Variants in CTNND2 observed in about 807,000 individuals in gnomAD.
The protein encoded by CTNND2 is catenin delta-2.
Under a neutral mutation model 144.4 loss-of-function variants are expected in CTNND2, and 22 were observed. That is an observed-to-expected ratio of 0.15 (90% confidence interval 0.11 to 0.22). The LOEUF (loss-of-function observed/expected upper bound fraction) is 0.22, where lower values mean the gene tolerates loss of function less well. CTNND2 is among the 10% of genes least tolerant of loss of function. CTNND2 has a pLI of 1.00. For synonymous variants in CTNND2, 751 were observed against 695.6 expected, an observed-to-expected ratio of 1.08 and a Z score of -1.25; for missense variants, 1,353 against 1,618.8, an observed-to-expected ratio of 0.84 and a Z score of 2.82.
chr5:11,050,385 T>C (rs1177074104), intron 16 of CTNND2, among the ~76,000 whole-genome samples: 1 of 152,234 alleles, frequency 6.6e-6, no homozygotes, highest in Non-Finnish European at 1.5e-5. Flanking sequence ...TTACAATTTG[T>C]ATCTACTGCT....
intron 7 of CTNND2, among the ~76,000 whole-genome samples, chr5:11,370,054 A>T (rs1757326779): frequency 6.6e-6 from 1 of 152,222 alleles, no homozygotes; most frequent in African/African-American, 2.4e-5. Context: ...GGATTTTTTT[A>T]ACTCAAAATT....
chr5:11,640,218 T>C (rs1781929444), intron 2 of CTNND2, among the ~76,000 whole-genome samples: 1 of 152,224 alleles, frequency 6.6e-6, no homozygotes, highest in South Asian at 2.1e-4. Context: ...TGGGAACAAC[T>C]GCAAAATAGA....
intron 3 of CTNND2, among the ~76,000 whole-genome samples, chr5:11,441,124 A>T (rs1316407541): frequency 6.6e-6 from 1 of 152,226 alleles, no homozygotes. Flanking sequence ...GGCAACATTT[A>T]AAAATTATAT....
intron 2 of CTNND2, among the ~76,000 whole-genome samples, chr5:11,585,655 T>C (rs1008498018): frequency 6.6e-6 from 1 of 152,034 alleles, no homozygotes; most frequent in African/African-American, 2.4e-5. Context: ...AAACAGACAG[T>C]GAACCAAATA....
Position 11,903,995 on chromosome 5 carries a change from T to C in CTNND2, c.-142A>G, listed in dbSNP as rs1333655394. 5 of 1,003,800 alleles carry C rather than the reference T, an allele frequency of 5.0e-6. No individual in the cohort carries two copies. In the East Asian group the frequency reaches 1.1e-4, roughly 22 times the overall value. 62.2% of individuals were successfully genotyped at this position (1,003,800 alleles called of 1,614,324 possible). ...AGCGCGGCCGCGGGACAAGGGATGC[T>C]GGCGGGCGGCAGGGGCGAGCGCCGC... On this transcript the variant is annotated 5_prime_UTR_variant, in exon 1 of 22. Transcript: ENST00000304623. The surrounding 1 kb of genome is among the most constrained non-coding windows in gnomAD (Gnocchi z 5.4).
intron 9 of CTNND2, among the ~76,000 whole-genome samples, chr5:11,240,854 CAT>C (rs1406692155): frequency 1.4e-5 from 2 of 141,834 alleles, no homozygotes; most frequent in Non-Finnish European, 3.1e-5. Flanking sequence ...ACACCCAACA[CAT>C]ACACTCAGCA....
chr5:11,318,532 T>C (rs1194368101), intron 9 of CTNND2, among the ~76,000 whole-genome samples: 3 of 152,056 alleles, frequency 2.0e-5, no homozygotes, highest in Non-Finnish European at 4.4e-5. Flanking sequence ...CTCCTCATGC[T>C]CAAGCAAGAA....
At chr5:11,891,119 C>T (rs1287387382) in intron 1 of CTNND2, among the ~76,000 whole-genome samples, 1 of 152,106 alleles carries the variant, frequency 6.6e-6, no homozygotes, top group Non-Finnish European at 1.5e-5. Context: ...TGAAAAGCAT[C>T]CATGCAATTT....
intron 9 of CTNND2, among the ~76,000 whole-genome samples, chr5:11,276,341 C>T (rs1186801524): frequency 1.3e-5 from 2 of 152,194 alleles, no homozygotes; most frequent in Admixed American, 6.5e-5. Context: ...AGCACTGTGT[C>T]TGGGGCATCC....
chr5:11,612,516 A>C (rs781200209), intron 2 of CTNND2, among the ~76,000 whole-genome samples: 28 of 152,180 alleles, frequency 1.8e-4, no homozygotes, highest in Non-Finnish European at 2.4e-4. Flanking sequence ...TTTGATTGTG[A>C]AGTGAAAACT....
At chr5:11,126,298 T>G (rs1453901237) in intron 12 of CTNND2, among the ~76,000 whole-genome samples, 1 of 151,962 alleles carries the variant, frequency 6.6e-6, no homozygotes, top group Admixed American at 6.6e-5. Context: ...TGAAACTCTG[T>G]CTCAAAAAAA....
At chr5:11,824,569 C>G (rs888642790) in intron 1 of CTNND2, among the ~76,000 whole-genome samples, 1 of 152,128 alleles carries the variant, frequency 6.6e-6, no homozygotes, top group Non-Finnish European at 1.5e-5. Flanking sequence ...GCTCTAAATT[C>G]CTCAGTGACA....
intron 8 of CTNND2, among the ~76,000 whole-genome samples, chr5:11,353,118 A>C (rs1234139637): frequency 6.6e-6 from 1 of 151,620 alleles, no homozygotes; most frequent in African/African-American, 2.4e-5. Context: ...ATCAATGGGA[A>C]AGGATAAAAA....
chr5:11,204,402 A>T (rs1737825427), intron 10 of CTNND2, among the ~76,000 whole-genome samples: 1 of 152,230 alleles, frequency 6.6e-6, no homozygotes, highest in Admixed American at 6.5e-5. Context: ...AACTGAGAGT[A>T]TCTAAAAATC....
At chr5:11,558,988 G>A (rs1026791704) in intron 3 of CTNND2, among the ~76,000 whole-genome samples, 1 of 152,004 alleles carries the variant, frequency 6.6e-6, no homozygotes, top group Non-Finnish European at 1.5e-5. Flanking sequence ...TATTTGGTTT[G>A]GGCATCATTG....
intron 18 of CTNND2, among the ~76,000 whole-genome samples, chr5:11,016,513 C>T (rs1350255701): frequency 6.6e-6 from 1 of 152,186 alleles, no homozygotes; most frequent in Non-Finnish European, 1.5e-5. Context: ...ATGTGAGCCC[C>T]TTACTGTGGT....
At chr5:11,007,120 C>G (rs1221194460) in intron 18 of CTNND2, among the ~76,000 whole-genome samples, 2 of 152,090 alleles carry the variant, frequency 1.3e-5, no homozygotes, top group African/African-American at 4.8e-5. Context: ...TAGAAGGGAG[C>G]AGATGATCCA....
At chr5:11,411,730 G>T in intron 4 of CTNND2, 78 bp from the exon 5 acceptor site, 1 of 921,800 alleles carries the variant, frequency 1.1e-6, no homozygotes, top group Non-Finnish European at 1.7e-6. Flanking sequence ...ATTTAATCAT[G>T]GAAAATATCC....
At chr5:11,774,359 A>C (rs561327258) in intron 1 of CTNND2, among the ~76,000 whole-genome samples, 28 of 131,398 alleles carry the variant, frequency 2.1e-4, no homozygotes, top group Admixed American at 1.1e-3. Flanking sequence ...ATGAGATCAC[A>C]TGGACACAGG....
Sources: gnomAD v4.1 joint callset for allele counts (sites outside exome capture counted in the v4.1 genomes callset) on GRCh38, gnomAD v4.1.1 for gene constraint, Gnocchi (gnomAD v3.1) non-coding constraint, MANE v1.5 for transcripts, NCBI Gene and HGNC (gene_info 2026-07-23, HGNC 2026-07-21) for gene names.